Variants in CTNND2 observed in about 807,000 individuals in gnomAD.
The protein encoded by CTNND2 is catenin delta-2.
CTNND2 carries 22 observed loss-of-function variants against 144.4 expected under a neutral mutation model. The ratio of observed to expected loss-of-function variants is 0.15; its 90% CI spans 0.11 to 0.22. The LOEUF is 0.22. Among genes scored for constraint, CTNND2 ranks in the 10% least tolerant of loss-of-function variants. The probability of loss-of-function intolerance (pLI) is 1.00; values close to 1 mark genes in which losing one functional copy is unlikely to be tolerated. For missense variants in CTNND2, 1,353 were observed against 1,618.8 expected, an observed-to-expected ratio of 0.84 and a Z score of 2.82; for synonymous variants, 751 against 695.6, an observed-to-expected ratio of 1.08 and a Z score of -1.25.
At chr5:11,722,812 C>T (rs1276397206) in intron 2 of CTNND2, among the ~76,000 whole-genome samples, 3 of 152,174 alleles carry the variant, frequency 2.0e-5, no homozygotes, top group Non-Finnish European at 4.4e-5. Flanking sequence ...ATGGGAACTA[C>T]AATTTGAGAT....
At chr5:11,548,034 C>T (rs1276669521) in intron 3 of CTNND2, among the ~76,000 whole-genome samples, 1 of 151,812 alleles carries the variant, frequency 6.6e-6, no homozygotes. Context: ...ATTCAAATGA[C>T]GGAGTAGGAG....
intron 16 of CTNND2, among the ~76,000 whole-genome samples, chr5:11,079,150 T>C (rs369105170): frequency 1.6e-5 from 2 of 123,174 alleles, no homozygotes; most frequent in East Asian, 5.3e-4. Context: ...CATGTAACTA[T>C]AAAAACATTT....
intron 6 of CTNND2, among the ~76,000 whole-genome samples, chr5:11,396,622 AC>A (rs1760163802): frequency 6.6e-6 from 1 of 152,122 alleles, no homozygotes; most frequent in African/African-American, 2.4e-5. Flanking sequence ...GATATCAAAA[AC>A]CACAAAGCAA....
chr5:11,854,016 T>C (rs1056940074), intron 1 of CTNND2, among the ~76,000 whole-genome samples: 4 of 152,194 alleles, frequency 2.6e-5, no homozygotes, highest in African/African-American at 9.6e-5. Flanking sequence ...CTCAAAAGCA[T>C]CTATGATAAA....
chr5:11,353,587 G>A (rs777483625), intron 8 of CTNND2, among the ~76,000 whole-genome samples: 57 of 152,068 alleles, frequency 3.7e-4, no homozygotes, highest in Non-Finnish European at 6.0e-4. Context: ...GGCGGATCAC[G>A]AGGTCAGGAG....
rs78473045 is a variant in CTNND2, at chr5:11,426,448, A to G, written c.288-14379T>C. 1.1e-4 allele frequency among the ~76,000 whole-genome samples: 16 copies of G among 152,130 alleles called. No individual in the cohort carries two copies. The East Asian group carries it at 2.9e-3, about 28-fold the overall frequency. ...TGTTGCCCTCTTAAAACTCTGGACA[A>G]CTCTATCTTTGAGCTTATGTTTTGC... On this transcript the variant is annotated intron_variant, in intron 3 of 21. Transcript: ENST00000304623.
chr5:11,827,269 T>C (rs1000643604), intron 1 of CTNND2, among the ~76,000 whole-genome samples: 1 of 152,190 alleles, frequency 6.6e-6, no homozygotes, highest in Non-Finnish European at 1.5e-5. Flanking sequence ...TATAAAATAT[T>C]TTTAAATTGA....
chr5:11,314,651 G>A (rs982441685), intron 9 of CTNND2, among the ~76,000 whole-genome samples: 2 of 152,198 alleles, frequency 1.3e-5, no homozygotes, highest in African/African-American at 2.4e-5. Flanking sequence ...ACTGGCATAG[G>A]CCACTGCACC....
chr5:11,377,673 G>A (rs894493157), intron 7 of CTNND2, among the ~76,000 whole-genome samples: 2 of 152,138 alleles, frequency 1.3e-5, no homozygotes, highest in African/African-American at 4.8e-5. Flanking sequence ...AAGAATGGTA[G>A]ATATTAACTT....
At chr5:11,056,379 A>G (rs1746353991) in intron 16 of CTNND2, among the ~76,000 whole-genome samples, 2 of 152,254 alleles carry the variant, frequency 1.3e-5, no homozygotes, top group South Asian at 4.1e-4. Flanking sequence ...AAAAAGTTTT[A>G]GTGTTTAGTA....
intron 1 of CTNND2, among the ~76,000 whole-genome samples, chr5:11,779,845 T>A (rs1390373802): frequency 6.6e-6 from 1 of 152,198 alleles, no homozygotes; most frequent in Non-Finnish European, 1.5e-5. Flanking sequence ...CAAACAGGAC[T>A]TGATGGTTGT....
intron 3 of CTNND2, among the ~76,000 whole-genome samples, chr5:11,508,615 A>C (rs1232089213): frequency 1.3e-5 from 2 of 152,222 alleles, no homozygotes; most frequent in Non-Finnish European, 2.9e-5. Flanking sequence ...AATGTAACAT[A>C]GAAAATATTC....
intron 3 of CTNND2, among the ~76,000 whole-genome samples, chr5:11,459,587 T>A (rs1766024427): frequency 6.6e-6 from 1 of 152,214 alleles, no homozygotes; most frequent in South Asian, 2.1e-4. Flanking sequence ...GTTCTAAGAA[T>A]ATGAAATGTT....
intron 2 of CTNND2, among the ~76,000 whole-genome samples, chr5:11,729,142 A>G (rs1787187265): frequency 6.6e-6 from 1 of 151,780 alleles, no homozygotes; most frequent in South Asian, 2.1e-4. Flanking sequence ...CTCTATCTCA[A>G]GTTTCCAGAA....
intron 11 of CTNND2, among the ~76,000 whole-genome samples, chr5:11,193,949 T>C (rs1736598955): frequency 6.6e-6 from 1 of 152,212 alleles, no homozygotes; most frequent in Non-Finnish European, 1.5e-5. Context: ...TGTAAACATA[T>C]TTATACTTTG....
At chr5:10,981,195 T>A (rs1298023774) in intron 21 of CTNND2, among the ~76,000 whole-genome samples, 3 of 152,228 alleles carry the variant, frequency 2.0e-5, no homozygotes, top group Non-Finnish European at 4.4e-5. Context: ...GAATCTCTCC[T>A]GTGTTTCTAA....
intron 7 of CTNND2, among the ~76,000 whole-genome samples, chr5:11,379,450 C>T (rs1758266414): frequency 6.6e-6 from 1 of 152,058 alleles, no homozygotes; most frequent in Non-Finnish European, 1.5e-5. Flanking sequence ...GGTTATCATC[C>T]ATAAGCTTCA....
intron 3 of CTNND2, among the ~76,000 whole-genome samples, chr5:11,417,799 A>T (rs1022782467): frequency 6.6e-6 from 1 of 152,182 alleles, no homozygotes; most frequent in Non-Finnish European, 1.5e-5. Context: ...TTCTATGTAG[A>T]GACTCCAGGA....
intron 12 of CTNND2, among the ~76,000 whole-genome samples, chr5:11,128,601 T>C (rs1754926439): frequency 6.8e-6 from 1 of 147,784 alleles, no homozygotes; most frequent in Non-Finnish European, 1.5e-5. Flanking sequence ...CCGTCTCCGA[T>C]GCCTCATGTC....
Sources: gnomAD v4.1 joint callset for allele counts (sites outside exome capture counted in the v4.1 genomes callset) on GRCh38, gnomAD v4.1.1 for gene constraint, MANE v1.5 for transcripts, NCBI Gene and HGNC (gene_info 2026-07-23, HGNC 2026-07-21) for gene names.